KRT8: variants seen among roughly 807,000 people sequenced by gnomAD.
The protein encoded by KRT8 is keratin, type II cytoskeletal 8.
In KRT8, 24 loss-of-function variants were observed where a neutral mutation model predicts 43.0. The ratio of observed to expected loss-of-function variants is 0.56; its 90% CI spans 0.40 to 0.78. The LOEUF (loss-of-function observed/expected upper bound fraction) is 0.78. Among genes scored for constraint, KRT8 ranks in the 30% least tolerant of loss-of-function variants. The pLI is 0.00. For synonymous variants in KRT8, 214 were observed against 261.2 expected (o/e 0.82, Z 1.74); for missense variants, 492 against 638.4 (o/e 0.77, Z 2.47).
At chr12:52,921,702 A>T (rs1763148746) in intron 2 of KRT8, among the ~76,000 whole-genome samples, 1 of 151,772 alleles carries the variant, frequency 6.6e-6, no homozygotes, top group South Asian at 2.1e-4. Flanking sequence ...GGAGCCTCTG[A>T]TTGTGCATCC....
At chr12:52,935,377 TCAAAAAAA>T (rs1942151607) in intron 2 of KRT8, among the ~76,000 whole-genome samples, 1 of 48,164 alleles carries the variant, frequency 2.1e-5, no homozygotes, top group Admixed American at 3.8e-4. Flanking sequence ...AGACTCTGTC[TCAAAAAAA>T]AAAAAAAAAA....
At chr12:52,930,909 C>G (rs1289512323) in intron 2 of KRT8, among the ~76,000 whole-genome samples, 1 of 152,110 alleles carries the variant, frequency 6.6e-6, no homozygotes, top group Non-Finnish European at 1.5e-5. Flanking sequence ...CACTGATTCT[C>G]TCTTAGTTTG....
At chr12:52,906,419 A>T (rs12580050), upstream of KRT8, 107,912 of 302,554 alleles carry the variant, frequency 0.36, 20,052 homozygotes, top group African/African-American at 0.39. Context: ...CTCCTGCTTT[A>T]CCCAGGCTCC....
intron 2 of KRT8, among the ~76,000 whole-genome samples, chr12:52,929,400 G>T (rs1565729939): frequency 6.6e-6 from 1 of 151,990 alleles, no homozygotes; most frequent in Non-Finnish European, 1.5e-5. Flanking sequence ...CACCATGTTG[G>T]CCAGGCTGGT....
At chr12:52,923,815 C>T (rs1941935697) in intron 2 of KRT8, among the ~76,000 whole-genome samples, 1 of 151,966 alleles carries the variant, frequency 6.6e-6, no homozygotes, top group Non-Finnish European at 1.5e-5. Flanking sequence ...CTTTGAATTG[C>T]CTAAAGTGCT....
rs1565725582 is a variant in KRT8 at position 52,918,185 on chromosome 12, A to AAGAAGAAGAAGAAGAAGAAGAAGAAGG, written c.-46-13159_-46-13158insCCTTCTTCTTCTTCTTCTTCTTCTTCT. ...GAAGAAGAAGAAGAGGAAGAGGAAG[A>AAGAAGAAGAAGAAGAAGAAGAAGAAGG]AGAAGAAGAAGAAGAAGAACAAGAA... On this transcript the variant is annotated intron_variant, in intron 2 of 6. Transcript: ENST00000546826. 1.0e-3 allele frequency among the ~76,000 whole-genome samples: 113 copies of AAGAAGAAGAAGAAGAAGAAGAAGAAGG among 112,368 alleles called. 4 individuals are homozygous for AAGAAGAAGAAGAAGAAGAAGAAGAAGG. The highest frequency in any genetic ancestry group is 3.5e-3 in the African/African-American group (91 of 26,182). The allele number at this position is 112,368 out of a possible 152,430, so 73.7% of individuals were successfully genotyped here.
At chr12:52,949,696 G>T in intron 1 of KRT8, 2 of 1,047,410 alleles carry the variant, frequency 1.9e-6, no homozygotes, top group East Asian at 2.5e-5. Flanking sequence ...CTACTCCACC[G>T]GGAGGGGGTT....
chr12:52,920,184 A>T lies in KRT8; in HGVS notation c.-46-15157T>A, dbSNP rs75708481. ...TAACTCAAAAGGGAGGATTCAAAACATGTTTATTATTTTATTTAGCAATCC... is the reference window on the plus strand; with the variant it reads ...TAACTCAAAAGGGAGGATTCAAAACTTGTTTATTATTTTATTTAGCAATCC... On this transcript the variant is annotated intron_variant, in intron 2 of 6. Coordinates refer to the KRT8 transcript ENST00000546826. Among the ~76,000 whole-genome samples the T allele has an allele frequency of 2.9e-3, 446 of 152,330 alleles. 5 individuals carry two copies. The highest frequency in any genetic ancestry group is 8.0e-3 in the African/African-American group (331 of 41,582).
intron 2 of KRT8, among the ~76,000 whole-genome samples, chr12:52,931,640 A>C (rs1942085124): frequency 6.8e-6 from 1 of 147,766 alleles, no homozygotes; most frequent in South Asian, 2.1e-4. Flanking sequence ...TCCTTTCTCC[A>C]CTACTCATTG....
At chr12:52,901,262 G>C in intron 2 of KRT8, 43 bp from the exon 3 acceptor site, 1 of 1,471,878 alleles carries the variant, frequency 6.8e-7, no homozygotes, top group Non-Finnish European at 9.5e-7. Context: ...AGGCAAAAGG[G>C]AGGTTGCCCT....
In KRT8 at chr12:52,900,587, C is replaced by G; in HGVS notation, c.690+1G>C. The G allele has an allele frequency of 6.2e-7, 1 of 1,600,184 alleles. No individual in the cohort carries two copies. Among genetic ancestry groups the G allele is most frequent in the Non-Finnish European group, 8.6e-7 (1 of 1,168,736 alleles). On this transcript the variant is annotated splice_donor_variant, in intron 4 of 7. Coordinates refer to ENST00000692008, the Ensembl canonical transcript of KRT8. LOFTEE classifies it high-confidence loss of function. ...TCACTCTCCTGCGACCAGGAACATA[C>G]CTCTTCATATAGCTGCCTGAGGAAG... is the stretch of plus-strand genomic sequence containing the variant.
intron 2 of KRT8, among the ~76,000 whole-genome samples, chr12:52,930,203 C>A (rs1942060889): frequency 7.1e-6 from 1 of 140,904 alleles, no homozygotes; most frequent in Non-Finnish European, 1.5e-5. Flanking sequence ...AAGCCAAGTC[C>A]TGCCAATTCT....
chr12:52,938,195 G>T, intron 2 of KRT8, among the ~76,000 whole-genome samples: 2 of 68,908 alleles, frequency 2.9e-5, no homozygotes, highest in Non-Finnish European at 3.1e-5. Flanking sequence ...TATATATAAG[G>T]TCTTGCTCTG....
chr12:52,899,684 C>T, intron 5 of KRT8, 91 bp downstream of exon 5: 1 of 1,197,060 alleles, frequency 8.4e-7, no homozygotes, highest in Non-Finnish European at 1.2e-6. Context: ...GGATTCCTTC[C>T]CCGACTCCCA....
At chr12:52,944,581 G>A (rs1331637189) in intron 2 of KRT8, among the ~76,000 whole-genome samples, 2 of 152,208 alleles carry the variant, frequency 1.3e-5, no homozygotes, top group Admixed American at 1.3e-4. Context: ...CATTCCTGGT[G>A]GGGCTGGGCC....
upstream of KRT8, among the ~76,000 whole-genome samples, chr12:52,907,956 G>A (rs1322438379): frequency 2.6e-5 from 4 of 152,208 alleles, no homozygotes; most frequent in Non-Finnish European, 5.9e-5. Context: ...GCTGCCTGCC[G>A]GACAAAAGGG....
intron 2 of KRT8, among the ~76,000 whole-genome samples, chr12:52,934,079 A>T (rs1341707655): frequency 1.3e-5 from 2 of 151,670 alleles, no homozygotes; most frequent in African/African-American, 4.8e-5. Flanking sequence ...AAATACAAAA[A>T]TTAGCCGGGC....
chr12:52,949,502 G>C (rs752738391), exon 2 of KRT8: 1 of 1,613,576 alleles, frequency 6.2e-7, no homozygotes, highest in South Asian at 1.1e-5. Context: ...AGGCTGGAGA[G>C]CAAAATCCGG....
chr12:52,946,180 C>T (rs1164527756), intron 2 of KRT8, among the ~76,000 whole-genome samples: 1 of 152,138 alleles, frequency 6.6e-6, no homozygotes, highest in Non-Finnish European at 1.5e-5. Flanking sequence ...TGGGGTGGGG[C>T]AGGAATCAGA....
Sources: gnomAD v4.1 joint callset for allele counts (sites outside exome capture counted in the v4.1 genomes callset) on GRCh38, gnomAD v4.1.1 for gene constraint, MANE v1.5 for transcripts, NCBI Gene and HGNC (gene_info 2026-07-23, HGNC 2026-07-21) for gene names.